MCF2: variants seen among roughly 807,000 people sequenced by gnomAD.
MCF2 encodes the protein MCF.2 cell line derived transforming sequence, also known as proto-oncogene DBL.
In MCF2, 44 loss-of-function variants were observed where a neutral mutation model predicts 82.5. The ratio of observed to expected loss-of-function variants is 0.53; its 90% CI spans 0.42 to 0.69. The LOEUF is 0.69. Among genes scored for constraint, MCF2 ranks in the 30% least tolerant of loss-of-function variants. The pLI, the probability that MCF2 is intolerant of heterozygous loss-of-function variation, is 0.00. For missense variants in MCF2, 623 were observed against 663.1 expected (o/e 0.94, Z 0.66); for synonymous variants, 217 against 224.9 (o/e 0.96, Z 0.32).
chrX:139,673,820 TG>T (rs781392659), intron 1 of MCF2, among the ~76,000 whole-genome samples: 7 of 111,970 alleles, frequency 6.3e-5, no homozygotes, highest in African/African-American at 2.3e-4. Flanking sequence ...GTTCTGTAGA[TG>T]TCTATTAGGT....
exon 18 of MCF2, chrX:139,597,529 G>C (rs769020781): frequency 8.4e-7 from 1 of 1,188,050 alleles, no homozygotes. Flanking sequence ...GCATTGCATC[G>C]AGTGCCTTCT....
At chrX:139,647,614 C>T (rs1432791433), upstream of MCF2, among the ~76,000 whole-genome samples, 1 of 110,605 alleles carries the variant, frequency 9.0e-6, no homozygotes. Flanking sequence ...AGCATGGATC[C>T]CAGTGCTCAT....
At chrX:139,704,787 C>A (rs1935560391) in intron 1 of MCF2, among the ~76,000 whole-genome samples, 1 of 109,595 alleles carries the variant, frequency 9.1e-6, no homozygotes, top group Admixed American at 9.7e-5. Flanking sequence ...TTGGAAGAAT[C>A]AATATCATAA....
At chrX:139,664,320 C>CAAA (rs58144695) in intron 1 of MCF2, among the ~76,000 whole-genome samples, 8 of 92,904 alleles carry the variant, frequency 8.6e-5, no homozygotes, top group African/African-American at 2.7e-4. Flanking sequence ...AAACAAAAAA[C>CAAA]AAAAAAAAAA....
At chrX:139,687,583 G>T (rs1218437783) in intron 1 of MCF2, among the ~76,000 whole-genome samples, 1 of 112,489 alleles carries the variant, frequency 8.9e-6, no homozygotes, top group African/African-American at 3.2e-5. Context: ...TTCAAACCTG[G>T]GGGCAAATTT....
chrX:139,696,526 CG>C (rs1431647326), intron 1 of MCF2, among the ~76,000 whole-genome samples: 1 of 111,279 alleles, frequency 9.0e-6, no homozygotes, highest in Non-Finnish European at 1.9e-5. Context: ...CGGGCTCAAG[CG>C]ATTCTCATGC....
chrX:139,642,544 C>G, exon 1 of MCF2: 2 of 1,211,346 alleles, frequency 1.7e-6, no homozygotes, highest in South Asian at 1.8e-5. Context: ...TTACACTTTT[C>G]TTTTCCAATT....
chrX:139,633,552 C>G (rs1313400311), intron 1 of MCF2, among the ~76,000 whole-genome samples: 2 of 110,894 alleles, frequency 1.8e-5, no homozygotes, highest in Non-Finnish European at 3.8e-5. Flanking sequence ...TACTCCACCT[C>G]CTGAAAAGGC....
chrX:139,670,628 C>T (rs1934657704), intron 1 of MCF2, among the ~76,000 whole-genome samples: 2 of 111,482 alleles, frequency 1.8e-5, no homozygotes, highest in South Asian at 7.6e-4. Flanking sequence ...CATGTCCCTG[C>T]ACAGGACATG....
chrX:139,693,726 G>A (rs4272558), intron 1 of MCF2, among the ~76,000 whole-genome samples: 1 of 111,600 alleles, frequency 9.0e-6, no homozygotes, highest in Non-Finnish European at 1.9e-5. Flanking sequence ...ATGACATTAA[G>A]AATTCTACCA....
chrX:139,637,370 C>T lies in MCF2; in HGVS notation c.52-4916G>A, dbSNP rs188375607. On this transcript the variant is annotated intron_variant, in intron 1 of 24. Transcript: ENST00000370576. ...GTTGTTTTCATCCCTCGTGCCCACACGTGAATAAGACATACCTGAATTTTT... is the reference window on the plus strand; with the variant it reads ...GTTGTTTTCATCCCTCGTGCCCACATGTGAATAAGACATACCTGAATTTTT... 1.1e-3 allele frequency among the ~76,000 whole-genome samples: 122 copies of T among 111,637 alleles called. 1 individual carries two copies. Among genetic ancestry groups the T allele is most frequent in the African/African-American group, 3.6e-3 (112 of 30,736 alleles).
intron 19 of MCF2, among the ~76,000 whole-genome samples, chrX:139,592,980 A>G (rs998195449): frequency 3.6e-5 from 4 of 111,870 alleles, no homozygotes; most frequent in Non-Finnish European, 5.6e-5. Context: ...AATTTCATCA[A>G]TTGTCAAATA....
Position 139,706,839 on chromosome X carries a change from G to A in MCF2, c.-45+1267C>T, listed in dbSNP as rs1351436811. 1.2e-4 allele frequency among the ~76,000 whole-genome samples: 13 copies of A among 109,933 alleles called. No individual in the cohort carries two copies. In the East Asian group the frequency reaches 3.4e-3, roughly 29 times the overall value. On this transcript the variant is annotated intron_variant, in intron 1 of 27. Coordinates refer to the MCF2 transcript ENST00000414978. ...TTTTCAGCTTGGAACTTTATACTGC[G>A]TCAGACTCTCAAACAAAAATAAAGG...
chrX:139,588,322 T>C lies in MCF2; in HGVS notation c.2449+38A>G, dbSNP rs776510259. 7 of 1,068,054 alleles carry C rather than the reference T, an allele frequency of 6.6e-6. No homozygotes were observed. In the East Asian group the frequency reaches 2.1e-4, roughly 32 times the overall value. The allele number at this position is 1,068,054 out of a possible 1,213,427, so 88.0% of individuals were successfully genotyped here. On this transcript the variant is annotated intron_variant, in intron 21 of 24. Transcript: ENST00000370576. ...AAAATCTGAGTCAATAAGCTGTTAC[T>C]ATACTTCTTGTTCTGAAGAATGCAG...
At chrX:139,621,748 A>C (rs1328035736) in intron 6 of MCF2, among the ~76,000 whole-genome samples, 3 of 111,834 alleles carry the variant, frequency 2.7e-5, no homozygotes. Context: ...TTAAAGACTT[A>C]CATGTTAGAC....
At chrX:139,683,429 A>T (rs1935049657) in intron 1 of MCF2, among the ~76,000 whole-genome samples, 1 of 112,634 alleles carries the variant, frequency 8.9e-6, no homozygotes, top group Non-Finnish European at 1.9e-5. Flanking sequence ...CTACAGATTC[A>T]ATGCCATCCC....
chrX:139,602,218 T>G (rs1458309047), intron 16 of MCF2, among the ~76,000 whole-genome samples, 188 bp downstream of exon 20: 1 of 110,970 alleles, frequency 9.0e-6, no homozygotes, highest in African/African-American at 3.3e-5. Context: ...CTAAAAGTGC[T>G]GAAAGTGTTT....
intron 16 of MCF2, among the ~76,000 whole-genome samples, chrX:139,599,018 G>A (rs760497562): frequency 6.4e-5 from 7 of 110,100 alleles, no homozygotes; most frequent in South Asian, 4.0e-4. Context: ...GGGTCATGAT[G>A]TTGGGTTCCG....
chrX:139,670,112 T>A (rs977730471), intron 1 of MCF2, among the ~76,000 whole-genome samples: 1 of 108,887 alleles, frequency 9.2e-6, no homozygotes, highest in Admixed American at 9.6e-5. Context: ...AAGAAAAAAG[T>A]TCATTTGAAC....
Sources: allele counts gnomAD v4.1 joint callset (sites outside exome capture counted in the v4.1 genomes callset), GRCh38; gene constraint gnomAD v4.1.1; transcripts MANE v1.5; gene names NCBI Gene and HGNC (gene_info 2026-07-23, HGNC 2026-07-21).